The following DLGAP2 variants were observed in gnomAD, a reference collection of about 807,000 sequenced individuals.
DLGAP2 encodes the protein DLG associated protein 2, also known as disks large-associated protein 2.
DLGAP2 carries 26 observed loss-of-function variants against 100.3 expected under a neutral mutation model. The ratio of observed to expected loss-of-function variants is 0.26; its 90% CI spans 0.19 to 0.36. The LOEUF is 0.36. DLGAP2 is among the 10% of genes least tolerant of loss of function. The pLI is 1.00. For synonymous variants in DLGAP2, 886 were observed against 630.1 expected, an observed-to-expected ratio of 1.41 and a Z score of -6.08; for missense variants, 1,858 against 1,453.2, an observed-to-expected ratio of 1.28 and a Z score of -4.53.
chr8:1,597,863 T>A (rs1396183634), intron 6 of DLGAP2, among the ~76,000 whole-genome samples: 1 of 152,204 alleles, frequency 6.6e-6, no homozygotes, highest in East Asian at 1.9e-4. Context: ...CTTTTATTTC[T>A]TTCTCTTGTC....
At chr8:1,276,443 G>A (rs1799699291) in intron 3 of DLGAP2, among the ~76,000 whole-genome samples, 1 of 152,132 alleles carries the variant, frequency 6.6e-6, no homozygotes, top group African/African-American at 2.4e-5. Flanking sequence ...GTGGGTGCCG[G>A]GGAGGGAAGG....
At chr8:1,066,545 G>T (rs1370349710) in intron 2 of DLGAP2, among the ~76,000 whole-genome samples, 3 of 149,820 alleles carry the variant, frequency 2.0e-5, no homozygotes, top group Non-Finnish European at 3.0e-5. Context: ...AGTGAGGGCA[G>T]TTCCCTACCA....
chr8:1,332,612 C>G (rs932571984), intron 3 of DLGAP2, among the ~76,000 whole-genome samples: 5 of 152,178 alleles, frequency 3.3e-5, no homozygotes, highest in African/African-American at 4.8e-5. Context: ...GAGAAGCACA[C>G]TCACCCCCTC....
intron 2 of DLGAP2, among the ~76,000 whole-genome samples, chr8:1,216,358 T>G (rs934441032): frequency 7.9e-5 from 12 of 152,112 alleles, no homozygotes; most frequent in African/African-American, 2.9e-4. Flanking sequence ...CCTAATTGTT[T>G]TTTTGTAAGG....
chr8:1,429,698 C>G (rs945294491), intron 3 of DLGAP2, among the ~76,000 whole-genome samples: 1 of 151,890 alleles, frequency 6.6e-6, no homozygotes, highest in Non-Finnish European at 1.5e-5. Flanking sequence ...GCAGCAGGCA[C>G]ATGGCACAAC....
At chr8:1,348,489 TAC>T (rs1160065097) in intron 3 of DLGAP2, among the ~76,000 whole-genome samples, 1 of 25,504 alleles carries the variant, frequency 3.9e-5, no homozygotes, top group Non-Finnish European at 8.3e-5. Flanking sequence ...TGAGTTCCCA[TAC>T]AGAGCTACAT....
At chr8:1,563,664 C>T (rs1471291673) in intron 5 of DLGAP2, among the ~76,000 whole-genome samples, 1 of 152,064 alleles carries the variant, frequency 6.6e-6, no homozygotes, top group Non-Finnish European at 1.5e-5. Flanking sequence ...ATGTGAGTGA[C>T]AGAAATGAGC....
chr8:1,452,002 G>C (rs1227989466), intron 3 of DLGAP2, among the ~76,000 whole-genome samples: 1 of 152,224 alleles, frequency 6.6e-6, no homozygotes, highest in Non-Finnish European at 1.5e-5. Context: ...AAGAGAACCG[G>C]AACTGCGGTT....
intron 2 of DLGAP2, among the ~76,000 whole-genome samples, chr8:962,894 G>C (rs1479578635): frequency 6.6e-6 from 1 of 152,206 alleles, no homozygotes; most frequent in African/African-American, 2.4e-5. Context: ...GCCAGGCTTT[G>C]TGACCGTGCC....
chr8:1,671,974 A>G (rs533319505), intron 10 of DLGAP2, among the ~76,000 whole-genome samples: 2 of 152,158 alleles, frequency 1.3e-5, no homozygotes, highest in African/African-American at 2.4e-5. Flanking sequence ...GCTTTTCTTC[A>G]TTCCAATTGG....
intron 2 of DLGAP2, among the ~76,000 whole-genome samples, chr8:973,860 C>G (rs992662521): frequency 0.028 from 1 of 36 alleles, no homozygotes; most frequent in Non-Finnish European, 0.083. Flanking sequence ...GTGGCGGCTG[C>G]GACCACGGGC....
chr8:1,206,979 C>T (rs1798010182), intron 2 of DLGAP2, among the ~76,000 whole-genome samples: 3 of 152,154 alleles, frequency 2.0e-5, no homozygotes, highest in Admixed American at 1.3e-4. Flanking sequence ...AACTTCCTGC[C>T]CACCCTCCCA....
intron 1 of DLGAP2, among the ~76,000 whole-genome samples, chr8:753,126 G>C (rs1047454721): frequency 6.6e-6 from 1 of 152,246 alleles, no homozygotes; most frequent in Non-Finnish European, 1.5e-5. Context: ...AGGGTTCTGA[G>C]AAGCCAGGAG....
intron 4 of DLGAP2, among the ~76,000 whole-genome samples, chr8:1,504,206 GC>G (rs1799822917): frequency 6.6e-6 from 1 of 150,800 alleles, no homozygotes; most frequent in Non-Finnish European, 1.5e-5. Flanking sequence ...TTTACCTGAT[GC>G]TTTTTTTTTT....
At chr8:948,926 CG>C (rs1799403281) in intron 2 of DLGAP2, among the ~76,000 whole-genome samples, 1 of 142,858 alleles carries the variant, frequency 7.0e-6, no homozygotes, top group Non-Finnish European at 1.5e-5. Flanking sequence ...GCCATCTTGG[CG>C]GGGGGACGCC....
chr8:1,062,776 A>C (rs927726135), intron 2 of DLGAP2, among the ~76,000 whole-genome samples: 1 of 152,116 alleles, frequency 6.6e-6, no homozygotes, highest in African/African-American at 2.4e-5. Context: ...GGAGCATCTT[A>C]ATTGCCAGGA....
At chr8:1,444,771 C>CTTTTTTTTTTTTTTTTTTTTTTTTTT (rs914045708) in intron 3 of DLGAP2, among the ~76,000 whole-genome samples, 1 of 79,852 alleles carries the variant, frequency 1.3e-5, no homozygotes, top group Non-Finnish European at 2.2e-5. Flanking sequence ...CCAGGTCATT[C>CTTTTTTTTTTTTTTTTTTTTTTTTTT]TTTTTTTTTT....
chr8:1,339,699 C>T (rs1489959859), intron 3 of DLGAP2, among the ~76,000 whole-genome samples: 3 of 152,200 alleles, frequency 2.0e-5, no homozygotes, highest in South Asian at 2.1e-4. Context: ...GATCCGGAGT[C>T]TCAGAGGCGA....
intron 6 of DLGAP2, chr8:1,621,688 G>C (rs879855537): frequency 1.3e-5 from 2 of 152,468 alleles, no homozygotes; most frequent in Non-Finnish European, 2.9e-5. Flanking sequence ...AGCACCAGGA[G>C]GGCAGCCAAG....
Sources: allele counts gnomAD v4.1 joint callset (sites outside exome capture counted in the v4.1 genomes callset), GRCh38; gene constraint gnomAD v4.1.1; transcripts MANE v1.5; gene names NCBI Gene and HGNC (gene_info 2026-07-23, HGNC 2026-07-21).